IQGAP2: variants seen among roughly 807,000 people sequenced by gnomAD.
The protein encoded by IQGAP2 is IQ motif containing GTPase activating protein 2.
A neutral mutation model predicts 201.3 loss-of-function variants in IQGAP2; 173 were observed. That is an observed-to-expected ratio of 0.86 (90% CI 0.76 to 0.98). The LOEUF (loss-of-function observed/expected upper bound fraction) is 0.98. Ranked by LOEUF, IQGAP2 falls within the 50% of genes least tolerant of loss-of-function variation. The pLI, the probability that IQGAP2 is intolerant of heterozygous loss-of-function variation, is 0.00. For synonymous variants in IQGAP2, 675 were observed against 673.9 expected (o/e 1.00, Z -0.03); for missense variants, 1,687 against 1,864.8 (o/e 0.90, Z 1.76).
chr5:76,414,106 A>T (rs1169015827), intron 1 of IQGAP2, among the ~76,000 whole-genome samples: 3 of 152,222 alleles, frequency 2.0e-5, no homozygotes, highest in Non-Finnish European at 2.9e-5. Flanking sequence ...CCCACTTTTT[A>T]AAAAAATTCT....
At chr5:76,528,475 G>A (rs1168691473) in intron 2 of IQGAP2, among the ~76,000 whole-genome samples, 1 of 152,170 alleles carries the variant, frequency 6.6e-6, no homozygotes, top group African/African-American at 2.4e-5. Flanking sequence ...GGAGGAGATG[G>A]ACCCTTGATG....
chr5:76,578,450 C>G (rs546788787), intron 5 of IQGAP2, among the ~76,000 whole-genome samples: 2 of 152,106 alleles, frequency 1.3e-5, no homozygotes, highest in Admixed American at 1.3e-4. Context: ...GTAGCTGGGA[C>G]TACAGGCACG....
chr5:76,618,537 TC>T (rs1749252305), intron 13 of IQGAP2: 1 of 1,614,134 alleles, frequency 6.2e-7, no homozygotes, highest in East Asian at 2.2e-5. Flanking sequence ...TGTCCAGCCT[TC>T]CAAGGCAGAA....
At chr5:76,656,319 C>G (rs1862243) in intron 20 of IQGAP2, among the ~76,000 whole-genome samples, 94,917 of 151,778 alleles carry the variant, frequency 0.63, 29,931 homozygotes, top group South Asian at 0.82. Context: ...GTAGCTGGGA[C>G]TACAGGCGCC....
At chr5:76,630,345 A>C (rs1242460268) in intron 14 of IQGAP2, among the ~76,000 whole-genome samples, 1 of 152,206 alleles carries the variant, frequency 6.6e-6, no homozygotes, top group Non-Finnish European at 1.5e-5. Flanking sequence ...CTCTTCTGGC[A>C]GCTCTCAGCA....
Position 76,569,788 on chromosome 5 carries a change from A to G in IQGAP2, c.304-792A>G, listed in dbSNP as rs192521873. On this transcript the variant is annotated intron_variant, in intron 3 of 35. Coordinates refer to ENST00000274364, the MANE Select transcript of IQGAP2 (RefSeq NM_006633.5). ...TAGATAACATGGTGCTATGCATTTA[A>G]TTAGTGAAAAGCACAAGATCATTTT... 1.6e-4 allele frequency among the ~76,000 whole-genome samples: 25 copies of G among 152,314 alleles called. No homozygotes were observed. In the East Asian group the frequency reaches 4.6e-3, roughly 28 times the overall value.
intron 2 of IQGAP2, among the ~76,000 whole-genome samples, chr5:76,552,539 T>C (rs974203575): frequency 6.6e-6 from 1 of 152,238 alleles, no homozygotes; most frequent in African/African-American, 2.4e-5. Flanking sequence ...ACACTTGGCT[T>C]AGAAATCTCA....
chr5:76,455,453 CAAAAAAAAAAAAAA>C (rs59978990), intron 1 of IQGAP2, among the ~76,000 whole-genome samples: 1 of 81,234 alleles, frequency 1.2e-5, no homozygotes, highest in African/African-American at 4.7e-5. Context: ...GACTCTGTCT[CAAAAAAAAAAAAAA>C]AAAAAAAAGA....
At chr5:76,443,514 G>A (rs767070015) in intron 1 of IQGAP2, among the ~76,000 whole-genome samples, 1 of 151,206 alleles carries the variant, frequency 6.6e-6, no homozygotes, top group Admixed American at 6.6e-5. Flanking sequence ...AGGACAGAAT[G>A]GTATATTAAG....
intron 1 of IQGAP2, among the ~76,000 whole-genome samples, chr5:76,447,637 A>C (rs566530514): frequency 5.9e-5 from 9 of 152,228 alleles, no homozygotes; most frequent in African/African-American, 2.2e-4. Flanking sequence ...ACCAAGTGTG[A>C]GCTAAGCTGG....
At chr5:76,410,674 A>G (rs893496979) in intron 1 of IQGAP2, among the ~76,000 whole-genome samples, 2 of 152,176 alleles carry the variant, frequency 1.3e-5, no homozygotes, top group South Asian at 4.1e-4. Flanking sequence ...GATATTGACA[A>G]CTGAATTCTC....
At chr5:76,462,817 G>A (rs1026372200) in intron 2 of IQGAP2, among the ~76,000 whole-genome samples, 1 of 152,112 alleles carries the variant, frequency 6.6e-6, no homozygotes, top group African/African-American at 2.4e-5. Flanking sequence ...GTAGTGTCAC[G>A]TAACTTTCTT....
intron 1 of IQGAP2, among the ~76,000 whole-genome samples, chr5:76,440,058 T>C (rs568305561): frequency 6.6e-6 from 1 of 152,336 alleles, no homozygotes; most frequent in South Asian, 2.1e-4. Flanking sequence ...TGTGACAAAC[T>C]CACTCAGCAT....
intron 20 of IQGAP2, among the ~76,000 whole-genome samples, 173 bp from the exon 21 acceptor site, chr5:76,658,286 A>G (rs1742933422): frequency 1.3e-5 from 2 of 152,156 alleles, no homozygotes; most frequent in Non-Finnish European, 2.9e-5. Context: ...TTTATTGATC[A>G]GTTTCCTTGT....
At chr5:76,582,234 C>G (rs980754747) in intron 5 of IQGAP2, among the ~76,000 whole-genome samples, 1 of 152,190 alleles carries the variant, frequency 6.6e-6, no homozygotes, top group Admixed American at 6.5e-5. Context: ...AATTATTTCC[C>G]TACTTCTAAG....
Position 76,650,467 on chromosome 5 carries a change from T to C in IQGAP2, c.2095-2283T>C, listed in dbSNP as rs142279299. On this transcript the variant is annotated intron_variant, in intron 17 of 35. Transcript: ENST00000274364. ...GGTACAGATTGTTTGCATAGAAATA[T>C]ATAGAATTATTCTGTGGGTTTTTTG... Among the ~76,000 whole-genome samples the C allele has an allele frequency of 1.1e-3, 175 of 152,322 alleles. 1 individual carries two copies. The East Asian group carries it at 0.029, about 25-fold the overall frequency.
chr5:76,588,267 G>A (rs1377776976), intron 5 of IQGAP2, among the ~76,000 whole-genome samples: 1 of 152,148 alleles, frequency 6.6e-6, no homozygotes, highest in Non-Finnish European at 1.5e-5. Context: ...ATAGAATTTA[G>A]ATGCCAGCTC....
chr5:76,618,415 G>A (rs200219056), intron 13 of IQGAP2: 65 of 1,614,194 alleles, frequency 4.0e-5, no homozygotes, highest in Non-Finnish European at 8.5e-7. Flanking sequence ...TAGATGGCAG[G>A]TATCAGTTTA....
chr5:76,506,642 A>G (rs933566116), intron 2 of IQGAP2, among the ~76,000 whole-genome samples: 1 of 152,232 alleles, frequency 6.6e-6, no homozygotes, highest in Non-Finnish European at 1.5e-5. Context: ...AATGTACATA[A>G]TATTCTGGAA....
Sources: gnomAD v4.1 joint callset for allele counts (sites outside exome capture counted in the v4.1 genomes callset) on GRCh38, gnomAD v4.1.1 for gene constraint, MANE v1.5 for transcripts, NCBI Gene and HGNC (gene_info 2026-07-23, HGNC 2026-07-21) for gene names.